MACROD2: variants seen among roughly 807,000 people sequenced by gnomAD.
The protein encoded by MACROD2 is mono-ADP ribosylhydrolase 2, also known as ADP-ribose glycohydrolase MACROD2.
MACROD2 carries 36 observed loss-of-function variants against 70.4 expected under a neutral mutation model. The ratio of observed to expected loss-of-function variants is 0.51; its 90% CI spans 0.39 to 0.68. MACROD2 has a LOEUF of 0.68. Ranked by LOEUF, MACROD2 falls within the 30% of genes least tolerant of loss-of-function variation. The pLI is 0.00. For missense variants in MACROD2, 496 were observed against 538.4 expected, an observed-to-expected ratio of 0.92 and a Z score of 0.78; for synonymous variants, 172 against 178.8, an observed-to-expected ratio of 0.96 and a Z score of 0.30.
chr20:14,599,878 G>T (rs532885161), intron 4 of MACROD2, among the ~76,000 whole-genome samples: 20 of 152,254 alleles, frequency 1.3e-4, no homozygotes, highest in African/African-American at 4.6e-4. Flanking sequence ...CTGAGGTTTT[G>T]AGCCCATGCG....
chr20:14,699,246 T>C (rs1459487732), intron 5 of MACROD2, among the ~76,000 whole-genome samples: 1 of 152,102 alleles, frequency 6.6e-6, no homozygotes, highest in African/African-American at 2.4e-5. Flanking sequence ...TAAAATAAAG[T>C]GATAATTTTA....
At chr20:15,415,835 G>C (rs543226183) in intron 6 of MACROD2, among the ~76,000 whole-genome samples, 64 of 152,260 alleles carry the variant, frequency 4.2e-4, no homozygotes, top group African/African-American at 1.5e-3. Context: ...ACAATCTAGT[G>C]TATGGACTAA....
intron 5 of MACROD2, among the ~76,000 whole-genome samples, chr20:15,102,978 A>C (rs182283123): frequency 4.6e-5 from 7 of 152,238 alleles, no homozygotes; most frequent in African/African-American, 1.7e-4. Flanking sequence ...AAATGTTTAA[A>C]ACATACAGTG....
At chr20:15,567,778 A>G (rs1261279741) in intron 8 of MACROD2, among the ~76,000 whole-genome samples, 1 of 152,220 alleles carries the variant, frequency 6.6e-6, no homozygotes, top group Non-Finnish European at 1.5e-5. Context: ...GTGAAAGGGA[A>G]AACTTGGCCT....
chr20:14,649,221 TCAGTTAGTTCTACC>T (rs1164000066), intron 4 of MACROD2, among the ~76,000 whole-genome samples: 1 of 152,204 alleles, frequency 6.6e-6, no homozygotes, highest in Non-Finnish European at 1.5e-5. Context: ...TGTCATGGGT[TCAGTTAGTTCTACC>T]ATGAAGTATG....
intron 6 of MACROD2, among the ~76,000 whole-genome samples, chr20:15,413,568 T>C (rs1182345635): frequency 6.6e-6 from 1 of 152,106 alleles, no homozygotes; most frequent in East Asian, 1.9e-4. Flanking sequence ...AGAAAAGTTA[T>C]ATGTGATTGG....
intron 15 of MACROD2, among the ~76,000 whole-genome samples, chr20:16,001,154 A>G (rs1033219407): frequency 6.6e-6 from 1 of 152,210 alleles, no homozygotes; most frequent in Non-Finnish European, 1.5e-5. Context: ...ATTTCTTTTC[A>G]TTGCTCTTTA....
intron 5 of MACROD2, among the ~76,000 whole-genome samples, chr20:15,202,820 CAG>C (rs968886384): frequency 6.6e-6 from 1 of 151,946 alleles, no homozygotes; most frequent in African/African-American, 2.4e-5. Flanking sequence ...TCAGTGTAGA[CAG>C]AAAGAAAAAG....
chr20:14,897,450 T>C (rs6135299), intron 5 of MACROD2, among the ~76,000 whole-genome samples: 29,114 of 152,142 alleles, frequency 0.19, 2,996 homozygotes, highest in African/African-American at 0.22. Context: ...AAAATAAATA[T>C]TTTAATGATG....
intron 2 of MACROD2, among the ~76,000 whole-genome samples, chr20:14,070,287 T>G (rs2080940171): frequency 6.6e-6 from 1 of 150,524 alleles, no homozygotes; most frequent in East Asian, 2.0e-4. Flanking sequence ...AACTATATAT[T>G]TGAGAATAAA....
intron 6 of MACROD2, among the ~76,000 whole-genome samples, chr20:15,378,095 C>T (rs550674068): frequency 3.9e-4 from 59 of 150,772 alleles, no homozygotes; most frequent in Non-Finnish European, 7.2e-4. Flanking sequence ...ACCTATGTAA[C>T]AAACCTGCAC....
intron 5 of MACROD2, among the ~76,000 whole-genome samples, chr20:14,715,037 C>T (rs1641892838): frequency 6.6e-6 from 1 of 152,126 alleles, no homozygotes. Context: ...TAAAGACATA[C>T]CTGAGACTGG....
At chr20:14,279,785 T>A (rs2082291156) in intron 3 of MACROD2, among the ~76,000 whole-genome samples, 2 of 152,204 alleles carry the variant, frequency 1.3e-5, no homozygotes, top group South Asian at 4.1e-4. Context: ...GATTTTTTTC[T>A]TTCTGAATCC....
intron 6 of MACROD2, among the ~76,000 whole-genome samples, chr20:15,313,294 C>G (rs1339267341): frequency 6.6e-6 from 1 of 151,916 alleles, no homozygotes; most frequent in Non-Finnish European, 1.5e-5. Flanking sequence ...ATCACGAGGT[C>G]AGGAGATCGA....
At chr20:14,301,109 C>T (rs1410326849) in intron 3 of MACROD2, among the ~76,000 whole-genome samples, 1 of 152,080 alleles carries the variant, frequency 6.6e-6, no homozygotes, top group Non-Finnish European at 1.5e-5. Context: ...GAGTTGGAAG[C>T]ACAGAGCAGT....
Position 15,814,050 on chromosome 20 carries a change from C to T in MACROD2, c.646-48695C>T, listed in dbSNP as rs912005118. ...AGGTAAGACCCCTTTGCTCTGATAC[C>T]CTTAACCAAGTTAATTGAGGAGAGA... is the stretch of plus-strand genomic sequence containing the variant. On this transcript the variant is annotated intron_variant, in intron 8 of 17. Transcript: ENST00000684519. Among the ~76,000 whole-genome samples, 4 of 152,114 alleles carry T rather than the reference C, an allele frequency of 2.6e-5. No individual in the cohort carries two copies. The East Asian group carries it at 7.7e-4, about 29-fold the overall frequency.
chr20:15,866,080 A>G (rs529114938), intron 9 of MACROD2, among the ~76,000 whole-genome samples: 3 of 152,302 alleles, frequency 2.0e-5, no homozygotes, highest in African/African-American at 7.2e-5. Flanking sequence ...AGGTGACAGG[A>G]TACAACTGGG....
chr20:14,539,869 G>A (rs751874838), intron 4 of MACROD2, among the ~76,000 whole-genome samples: 1 of 152,180 alleles, frequency 6.6e-6, no homozygotes, highest in African/African-American at 2.4e-5. Context: ...GGTTAGTAGA[G>A]AGGTAGATTG....
At chr20:15,503,812 T>C (rs1181975462) in intron 8 of MACROD2, among the ~76,000 whole-genome samples, 1 of 152,222 alleles carries the variant, frequency 6.6e-6, no homozygotes. Context: ...GGTTGCATTT[T>C]CTGAAGCTCT....
Sources: allele counts gnomAD v4.1 joint callset (sites outside exome capture counted in the v4.1 genomes callset), GRCh38; gene constraint gnomAD v4.1.1; transcripts MANE v1.5; gene names NCBI Gene and HGNC (gene_info 2026-07-23, HGNC 2026-07-21).